ZBTB20: variants seen among roughly 807,000 people sequenced by gnomAD.
ZBTB20 encodes the protein zinc finger and BTB domain containing 20, also known as zinc finger and BTB domain-containing protein 20.
A neutral mutation model predicts 56.9 loss-of-function variants in ZBTB20; 9 were observed. That is an observed-to-expected ratio of 0.16 (90% CI 0.10 to 0.28). The LOEUF (loss-of-function observed/expected upper bound fraction) is 0.28. ZBTB20 is among the 10% of genes least tolerant of loss of function. ZBTB20 has a pLI of 1.00. For synonymous variants in ZBTB20, 417 were observed against 420.7 expected (o/e 0.99, Z 0.11); for missense variants, 655 against 1,003.0 (o/e 0.65, Z 4.69).
At chr3:114,869,804 C>T (rs2075915838) in intron 4 of ZBTB20, among the ~76,000 whole-genome samples, 1 of 152,056 alleles carries the variant, frequency 6.6e-6, no homozygotes, top group African/African-American at 2.4e-5. Context: ...GTTACATAAC[C>T]CACTTGGAAT....
intron 6 of ZBTB20, among the ~76,000 whole-genome samples, chr3:114,547,472 G>A (rs969083210): frequency 6.6e-6 from 1 of 152,164 alleles, no homozygotes; most frequent in Non-Finnish European, 1.5e-5. Flanking sequence ...TGGTAATGAA[G>A]GGCAAAAGAA....
intron 6 of ZBTB20, among the ~76,000 whole-genome samples, chr3:114,620,343 A>C (rs910246297): frequency 2.0e-5 from 3 of 151,884 alleles, no homozygotes; most frequent in African/African-American, 7.3e-5. Flanking sequence ...CACAGGCTGG[A>C]GTGCAATGGC....
In ZBTB20 at chr3:115,055,561, A is replaced by G. The variant is rs181556621; in HGVS notation, c.-507+15658T>C. On this transcript the variant is annotated intron_variant, in intron 2 of 11. Transcript: ENST00000675478. ...AGCAAACACCCACTATGAGAAATCC[A>G]GGTTAACTACTGAATCTGTTTCTTC... 2.6e-3 allele frequency among the ~76,000 whole-genome samples: 391 copies of G among 152,252 alleles called. 2 individuals carry two copies. Among genetic ancestry groups the G allele is most frequent in the African/African-American group, 9.2e-3 (383 of 41,564 alleles).
At chr3:115,103,946 GCA>G in intron 1 of ZBTB20, among the ~76,000 whole-genome samples, 1 of 152,298 alleles carries the variant, frequency 6.6e-6, no homozygotes, top group South Asian at 2.1e-4. Context: ...TGCAAAAGAT[GCA>G]TCTCATAAAG....
chr3:115,028,472 A>T (rs1185549772), intron 2 of ZBTB20, among the ~76,000 whole-genome samples: 1 of 150,782 alleles, frequency 6.6e-6, no homozygotes, highest in African/African-American at 2.4e-5. Flanking sequence ...AATAAAATAC[A>T]TTATTAAAAT....
chr3:114,826,582 A>C (rs2073540164), intron 4 of ZBTB20, among the ~76,000 whole-genome samples: 1 of 151,792 alleles, frequency 6.6e-6, no homozygotes, highest in Admixed American at 6.6e-5. Flanking sequence ...GGTGGTTATC[A>C]GTAATTCTAG....
At chr3:114,450,977 C>A (rs1011463252) in intron 7 of ZBTB20, among the ~76,000 whole-genome samples, 12 of 152,024 alleles carry the variant, frequency 7.9e-5, no homozygotes, top group Non-Finnish European at 1.3e-4. Context: ...TTGAAAATTT[C>A]TTTCTCTTCC....
intron 6 of ZBTB20, among the ~76,000 whole-genome samples, chr3:114,505,853 G>C (rs1485410610): frequency 1.3e-5 from 2 of 151,970 alleles, no homozygotes. Context: ...CTTTACTCTG[G>C]ATACATGATT....
chr3:114,351,168 T>C lies in ZBTB20; in HGVS notation c.910A>G (p.Thr304Ala), dbSNP rs1346809124. ...CGGCAGTGCGTGGTCTCGGGGGTGG[T>C]GGACAGGTAGCGCTCCATCTGCTGC... The part of the protein sequence containing the change: ...RSQQMERYLS[T>A]TPETTHCRKQ... The change falls in exon 11 of 12, where the codon ACC becomes GCC. Residue 304 changes from threonine to alanine, a missense_variant. Thr to Ala is a moderately conservative substitution (Grantham distance 58, BLOSUM62 0). Coordinates refer to ENST00000675478, the MANE Select transcript of ZBTB20 (RefSeq NM_001348800.3). The C allele has an allele frequency of 1.2e-6, 2 of 1,602,392 alleles. No homozygotes were observed. The highest frequency in any genetic ancestry group is 3.3e-5 in the Admixed American group (2 of 59,898).
chr3:114,793,677 C>T (rs950365896), intron 5 of ZBTB20, among the ~76,000 whole-genome samples: 1 of 152,084 alleles, frequency 6.6e-6, no homozygotes, highest in Non-Finnish European at 1.5e-5. Flanking sequence ...CCATAGAAAA[C>T]TAACTAGCAT....
chr3:115,068,890 A>T (rs542681255), intron 2 of ZBTB20, among the ~76,000 whole-genome samples: 2 of 152,226 alleles, frequency 1.3e-5, no homozygotes, highest in East Asian at 3.9e-4. Flanking sequence ...GAAAAAAAAA[A>T]AAGTTGACAG....
chr3:114,783,402 T>G (rs2070256593), intron 5 of ZBTB20, among the ~76,000 whole-genome samples: 1 of 152,156 alleles, frequency 6.6e-6, no homozygotes, highest in Non-Finnish European at 1.5e-5. Context: ...ACTACCTATT[T>G]AATTATGGAT....
chr3:114,470,562 T>A (rs531020283), intron 7 of ZBTB20, among the ~76,000 whole-genome samples: 1 of 152,304 alleles, frequency 6.6e-6, no homozygotes, highest in Admixed American at 6.5e-5. Context: ...ATGCATTATT[T>A]CTAATCTTCA....
intron 4 of ZBTB20, among the ~76,000 whole-genome samples, chr3:114,851,678 TA>T (rs1225061454): frequency 9.9e-5 from 15 of 152,120 alleles, no homozygotes; most frequent in Non-Finnish European, 2.1e-4. Context: ...CTTCTGACTT[TA>T]TTTTTTTAAT....
chr3:114,971,113 T>G (rs568960780), intron 3 of ZBTB20, among the ~76,000 whole-genome samples: 3 of 152,360 alleles, frequency 2.0e-5, no homozygotes, highest in African/African-American at 7.2e-5. Context: ...AATTTATATA[T>G]TTTAAGCCTA....
At chr3:115,042,134 A>C (rs1356790046) in intron 2 of ZBTB20, among the ~76,000 whole-genome samples, 1 of 152,094 alleles carries the variant, frequency 6.6e-6, no homozygotes, top group Non-Finnish European at 1.5e-5. Context: ...AACAAGAAAG[A>C]AAGCAAAAGT....
chr3:114,834,935 C>T (rs984289023), intron 4 of ZBTB20, among the ~76,000 whole-genome samples: 5 of 152,020 alleles, frequency 3.3e-5, no homozygotes, highest in African/African-American at 9.7e-5. Context: ...ATATTTTCAC[C>T]GTATTTTCTC....
intron 5 of ZBTB20, among the ~76,000 whole-genome samples, chr3:114,706,782 G>A (rs893099611): frequency 1.3e-5 from 2 of 152,086 alleles, no homozygotes; most frequent in African/African-American, 4.8e-5. Flanking sequence ...TACATCTGCT[G>A]AGATAACAAG....
At chr3:115,092,216 G>A (rs2083224130) in intron 1 of ZBTB20, among the ~76,000 whole-genome samples, 1 of 152,066 alleles carries the variant, frequency 6.6e-6, no homozygotes. Flanking sequence ...ATCAGGGCCT[G>A]AAACAATTTG....
Sources: allele counts gnomAD v4.1 joint callset (sites outside exome capture counted in the v4.1 genomes callset), GRCh38; gene constraint gnomAD v4.1.1; transcripts MANE v1.5; gene names NCBI Gene and HGNC (gene_info 2026-07-23, HGNC 2026-07-21).